Variants in SLC16A1 observed in about 807,000 individuals in gnomAD.
The protein encoded by SLC16A1 is monocarboxylate transporter 1.
SLC16A1 carries 11 observed loss-of-function variants against 32.2 expected under a neutral mutation model. The ratio of observed to expected loss-of-function variants is 0.34; its 90% CI spans 0.21 to 0.56. The LOEUF is 0.56. Among genes scored for constraint, SLC16A1 ranks in the 20% least tolerant of loss-of-function variants. The pLI is 0.87. For synonymous variants in SLC16A1, 231 were observed against 226.8 expected, an observed-to-expected ratio of 1.02 and a Z score of -0.17; for missense variants, 435 against 615.0, an observed-to-expected ratio of 0.71 and a Z score of 3.10.
chr1:112,946,646 C>T (rs1378180311), intron 1 of SLC16A1, among the ~76,000 whole-genome samples: 1 of 152,142 alleles, frequency 6.6e-6, no homozygotes, highest in South Asian at 2.1e-4. Context: ...CTCCGCCCCT[C>T]GGGCTCAAGC....
chr1:112,939,232 G>C (rs1214563123), intron 1 of SLC16A1, among the ~76,000 whole-genome samples: 1 of 152,162 alleles, frequency 6.6e-6, no homozygotes, highest in African/African-American at 2.4e-5. Flanking sequence ...CAAAGAACAA[G>C]AATTGGTAAG....
At chr1:112,926,845 C>T (rs901541478) in intron 2 of SLC16A1, among the ~76,000 whole-genome samples, 23 of 151,308 alleles carry the variant, frequency 1.5e-4, no homozygotes, top group Non-Finnish European at 3.2e-4. Flanking sequence ...TGCCACTGCA[C>T]TCCAGCCTGA....
At chr1:112,923,932 A>C in intron 2 of SLC16A1, 1 of 1,519,396 alleles carries the variant, frequency 6.6e-7, no homozygotes, top group South Asian at 1.1e-5. Context: ...CTGAGGTTCT[A>C]TGCCTTCAAC....
At chr1:112,931,644 CAA>C (rs561013159) in intron 1 of SLC16A1, among the ~76,000 whole-genome samples, 3,152 of 61,900 alleles carry the variant, frequency 0.051, 61 homozygotes, top group African/African-American at 0.17. Flanking sequence ...TACTCTGTCT[CAA>C]AAAAAAAAAA....
chr1:112,954,928 A>G lies in SLC16A1; in HGVS notation c.-45+1107T>C, dbSNP rs562967747. Among the ~76,000 whole-genome samples the G allele has an allele frequency of 4.6e-5, 7 of 152,314 alleles. No homozygotes were observed. In the South Asian group the frequency reaches 1.4e-3, roughly 32 times the overall value. ...CACCTAACTAAAAAACTGAAGATACATAGTCTTTGCATCACCTCACTGGGC... is the reference window on the plus strand; with the variant it reads ...CACCTAACTAAAAAACTGAAGATACGTAGTCTTTGCATCACCTCACTGGGC... On this transcript the variant is annotated intron_variant, in intron 1 of 4. Coordinates refer to ENST00000369626, the MANE Select transcript of SLC16A1 (RefSeq NM_003051.4).
At chr1:112,930,093 A>T (rs1233286463) in intron 1 of SLC16A1, among the ~76,000 whole-genome samples, 1 of 152,140 alleles carries the variant, frequency 6.6e-6, no homozygotes, top group South Asian at 2.1e-4. Context: ...GAGCCTTCCT[A>T]GCAAATTAAT....
At chr1:112,916,007 T>G (rs1339404390) in intron 4 of SLC16A1, among the ~76,000 whole-genome samples, 1 of 152,184 alleles carries the variant, frequency 6.6e-6, no homozygotes, top group Non-Finnish European at 1.5e-5. Flanking sequence ...CCAAGTTATT[T>G]CACCTTTTGA....
chr1:112,936,313 G>T (rs1245763570), intron 1 of SLC16A1, among the ~76,000 whole-genome samples: 6 of 151,840 alleles, frequency 4.0e-5, no homozygotes, highest in Non-Finnish European at 8.8e-5. Flanking sequence ...TTCGAGACCT[G>T]CCTGGTCAAA....
chr1:112,937,344 ATTAGATTTAAAGCCTCAAGAAACT>A (rs1557852362), intron 1 of SLC16A1, among the ~76,000 whole-genome samples: 1 of 152,236 alleles, frequency 6.6e-6, no homozygotes, highest in South Asian at 2.1e-4. Context: ...CAGTGCCAAA[ATTAGATTTAAAGCCTCAAGAAACT>A]TTAGAAAAAT....
chr1:112,954,756 T>C (rs974181243), intron 1 of SLC16A1, among the ~76,000 whole-genome samples: 3 of 152,240 alleles, frequency 2.0e-5, no homozygotes, highest in Admixed American at 6.5e-5. Context: ...AATGAATTAC[T>C]GAAATATATT....
chr1:112,921,457 G>C (rs1648731503), intron 3 of SLC16A1, among the ~76,000 whole-genome samples: 1 of 152,052 alleles, frequency 6.6e-6, no homozygotes, highest in Non-Finnish European at 1.5e-5. Flanking sequence ...GACATAATTT[G>C]ATCCTTTTTT....
intron 4 of SLC16A1, among the ~76,000 whole-genome samples, chr1:112,916,041 G>T (rs998531319): frequency 1.3e-5 from 2 of 152,114 alleles, no homozygotes; most frequent in Admixed American, 6.5e-5. Flanking sequence ...TTACAAAATG[G>T]GGACTTAAAA....
intron 1 of SLC16A1, among the ~76,000 whole-genome samples, chr1:112,938,896 T>A (rs1649402191): frequency 6.6e-6 from 1 of 152,000 alleles, no homozygotes; most frequent in Non-Finnish European, 1.5e-5. Flanking sequence ...TTTTTTACCT[T>A]TTTTTCTTTT....
At chr1:112,929,687 A>C (rs115405525) in intron 1 of SLC16A1, among the ~76,000 whole-genome samples, 155 of 152,244 alleles carry the variant, frequency 1.0e-3, no homozygotes, top group African/African-American at 3.5e-3. Flanking sequence ...CTTTACAAAA[A>C]AATTAAAAAA....
chr1:112,953,177 CAG>C (rs1366076666), intron 1 of SLC16A1, among the ~76,000 whole-genome samples: 4 of 92,162 alleles, frequency 4.3e-5, no homozygotes, highest in Non-Finnish European at 8.7e-5. Context: ...TTTTTTGAAA[CAG>C]AGTCTTGCTC....
intron 3 of SLC16A1, among the ~76,000 whole-genome samples, chr1:112,919,468 A>G (rs1648639791): frequency 6.6e-6 from 1 of 151,986 alleles, no homozygotes; most frequent in Admixed American, 6.5e-5. Context: ...CAGAGGAAAA[A>G]GTGGGACCAA....
chr1:112,948,597 G>A (rs1316702543), intron 1 of SLC16A1, among the ~76,000 whole-genome samples: 5 of 151,688 alleles, frequency 3.3e-5, no homozygotes, highest in Admixed American at 6.6e-5. Context: ...TCCGTCTCCC[G>A]GGTTCAAGCA....
chr1:112,918,910 T>C (rs900070527), intron 3 of SLC16A1, among the ~76,000 whole-genome samples: 1 of 152,160 alleles, frequency 6.6e-6, no homozygotes, highest in Admixed American at 6.6e-5. Context: ...TGTGAAACTT[T>C]CCTGAGAGAT....
chr1:112,949,899 T>C (rs1649830968), intron 1 of SLC16A1, among the ~76,000 whole-genome samples: 2 of 152,156 alleles, frequency 1.3e-5, no homozygotes, highest in Admixed American at 6.5e-5. Flanking sequence ...AATACTTTAA[T>C]TGCAATTAAC....
Sources: gnomAD v4.1 joint callset for allele counts (sites outside exome capture counted in the v4.1 genomes callset) on GRCh38, gnomAD v4.1.1 for gene constraint, MANE v1.5 for transcripts, NCBI Gene and HGNC (gene_info 2026-07-23, HGNC 2026-07-21) for gene names.